Variants in NELL1 observed in about 807,000 individuals in gnomAD.
The protein encoded by NELL1 is protein kinase C-binding protein NELL1.
NELL1 carries 76 observed loss-of-function variants against 107.4 expected under a neutral mutation model. That is an observed-to-expected ratio of 0.71 (90% confidence interval 0.59 to 0.86). NELL1 has a LOEUF of 0.86. NELL1 is among the 40% of genes least tolerant of loss of function. NELL1 has a pLI of 0.00. For synonymous variants in NELL1, 353 were observed against 341.2 expected (o/e 1.03, Z -0.38); for missense variants, 1,024 against 1,005.5 (o/e 1.02, Z -0.25).
rs185661793 is a variant in NELL1, at chr11:21,011,508, A to T, written c.1300+50948A>T. 2.5e-3 allele frequency among the ~76,000 whole-genome samples: 387 copies of T among 152,220 alleles called. 3 individuals are homozygous for T. The highest frequency in any genetic ancestry group is 8.6e-3 in the African/African-American group (357 of 41,546). ...AAAATAACCAGACCCTTACACCTTT[A>T]TACCTCCACCCGGCTCCCCTTGCCA... On this transcript the variant is annotated intron_variant, in intron 12 of 19. Coordinates refer to ENST00000357134, the MANE Select transcript of NELL1 (RefSeq NM_006157.5).
intron 14 of NELL1, among the ~76,000 whole-genome samples, chr11:21,356,293 G>A (rs1446263562): frequency 2.6e-5 from 4 of 152,168 alleles, no homozygotes; most frequent in Non-Finnish European, 5.9e-5. Flanking sequence ...CAGAGAGGGT[G>A]CACAATATAT....
At chr11:21,019,637 G>A (rs986933865) in intron 12 of NELL1, among the ~76,000 whole-genome samples, 8 of 152,026 alleles carry the variant, frequency 5.3e-5, no homozygotes, top group African/African-American at 1.9e-4. Flanking sequence ...GGCCACCAAT[G>A]CTGCTGAACA....
intron 2 of NELL1, among the ~76,000 whole-genome samples, chr11:20,695,986 T>A (rs1854604746): frequency 6.6e-6 from 1 of 152,086 alleles, no homozygotes; most frequent in Non-Finnish European, 1.5e-5. Context: ...AGGGGTTCAA[T>A]TCCTTCTTGG....
intron 12 of NELL1, among the ~76,000 whole-genome samples, chr11:20,983,225 T>C (rs1416343321): frequency 1.3e-5 from 2 of 152,146 alleles, no homozygotes; most frequent in Non-Finnish European, 2.9e-5. Flanking sequence ...CACTTTATTG[T>C]GATATGTCAC....
intron 16 of NELL1, among the ~76,000 whole-genome samples, chr11:21,555,823 C>T (rs77269316): frequency 0.018 from 2,692 of 151,946 alleles, 87 homozygotes; most frequent in African/African-American, 0.062. Context: ...CTCCTCATCA[C>T]GCTAATGGAT....
In NELL1 at chr11:21,169,705, T is replaced by G. The variant is rs1268247851; in HGVS notation, c.1426+55991T>G. ...TAATGGGACTGTAAATCATAATTCC[T>G]TGGTCATCTTTTGGCACAGAAGTAG... On this transcript the variant is annotated intron_variant, in intron 13 of 19. Transcript: ENST00000357134. 94 of 671,720 alleles carry G rather than the reference T, an allele frequency of 1.4e-4. 1 individual carries two copies. In the East Asian group the frequency reaches 2.6e-3, roughly 19 times the overall value. The allele number at this position is 671,720 out of a possible 1,614,324, so 41.6% of individuals were successfully genotyped here.
At chr11:21,363,521 G>A (rs1032438100) in intron 14 of NELL1, among the ~76,000 whole-genome samples, 1 of 152,060 alleles carries the variant, frequency 6.6e-6, no homozygotes, top group Non-Finnish European at 1.5e-5. Context: ...GTATGTTTCT[G>A]CAGTGGTTCT....
At chr11:21,072,118 G>T (rs1225978411) in intron 12 of NELL1, among the ~76,000 whole-genome samples, 1 of 152,108 alleles carries the variant, frequency 6.6e-6, no homozygotes, top group Non-Finnish European at 1.5e-5. Flanking sequence ...TCAAGACCTG[G>T]TCTATTAACT....
At chr11:20,972,811 G>T (rs1206809779) in intron 12 of NELL1, among the ~76,000 whole-genome samples, 1 of 152,192 alleles carries the variant, frequency 6.6e-6, no homozygotes, top group Non-Finnish European at 1.5e-5. Flanking sequence ...TTCAGTGGGG[G>T]ACAGAAGGTA....
At chr11:21,186,264 T>A (rs1391822043) in intron 13 of NELL1, among the ~76,000 whole-genome samples, 1 of 151,818 alleles carries the variant, frequency 6.6e-6, no homozygotes, top group Non-Finnish European at 1.5e-5. Context: ...TCCACCACAG[T>A]ATATACACCA....
At chr11:20,693,566 A>G (rs1337708354) in intron 2 of NELL1, among the ~76,000 whole-genome samples, 2 of 152,110 alleles carry the variant, frequency 1.3e-5, no homozygotes, top group Non-Finnish European at 2.9e-5. Context: ...GCTGGATATG[A>G]AATTCTGGGT....
intron 15 of NELL1, among the ~76,000 whole-genome samples, chr11:21,508,081 G>T (rs1173129013): frequency 6.6e-6 from 1 of 152,024 alleles, no homozygotes; most frequent in African/African-American, 2.4e-5. Context: ...ACCACAACTG[G>T]CCTGCAGAAG....
chr11:21,457,265 A>G (rs1853770549), intron 15 of NELL1, among the ~76,000 whole-genome samples: 1 of 152,132 alleles, frequency 6.6e-6, no homozygotes. Context: ...ATGGAATATT[A>G]TGGGAAAACA....
chr11:21,230,711 G>A (rs551955399), intron 14 of NELL1, among the ~76,000 whole-genome samples: 11 of 152,182 alleles, frequency 7.2e-5, no homozygotes, highest in Admixed American at 1.3e-4. Flanking sequence ...TTATGGATTG[G>A]ATTGGGGAAG....
intron 13 of NELL1, among the ~76,000 whole-genome samples, chr11:21,158,076 C>T (rs1441850271): frequency 6.6e-6 from 1 of 152,136 alleles, no homozygotes; most frequent in Non-Finnish European, 1.5e-5. Context: ...CGTGGAAGGA[C>T]TAGACTCGCT....
intron 15 of NELL1, among the ~76,000 whole-genome samples, chr11:21,398,713 C>A (rs1416877160): frequency 1.3e-5 from 2 of 151,692 alleles, no homozygotes; most frequent in South Asian, 2.1e-4. Flanking sequence ...AGTAAATGGC[C>A]TCTGAACAGA....
At chr11:20,980,330 T>G (rs1851725068) in intron 12 of NELL1, among the ~76,000 whole-genome samples, 1 of 152,184 alleles carries the variant, frequency 6.6e-6, no homozygotes, top group African/African-American at 2.4e-5. Context: ...TTTTTAAAGA[T>G]GAACATATAG....
At chr11:21,334,524 T>C (rs539674382) in intron 14 of NELL1, among the ~76,000 whole-genome samples, 1 of 152,058 alleles carries the variant, frequency 6.6e-6, no homozygotes, top group East Asian at 1.9e-4. Flanking sequence ...ACTATTCTCC[T>C]AAAGGACTGT....
chr11:21,175,905 C>A (rs984254326), intron 13 of NELL1, among the ~76,000 whole-genome samples: 1 of 151,792 alleles, frequency 6.6e-6, no homozygotes, highest in Non-Finnish European at 1.5e-5. Flanking sequence ...TTTAGTTGAC[C>A]AATCCTTCTT....
Sources: allele counts gnomAD v4.1 joint callset (sites outside exome capture counted in the v4.1 genomes callset), GRCh38; gene constraint gnomAD v4.1.1; transcripts MANE v1.5; gene names NCBI Gene and HGNC (gene_info 2026-07-23, HGNC 2026-07-21).